The following GREM2 variants were observed in gnomAD, a reference collection of about 807,000 sequenced individuals.
The protein encoded by GREM2 is gremlin-2.
GREM2 carries 11 observed loss-of-function variants against 14.2 expected under a neutral mutation model. That is an observed-to-expected ratio of 0.78 (90% CI 0.49 to 1.28). GREM2 has a LOEUF of 1.28. Ranked by LOEUF, GREM2 falls within the 50% of genes most tolerant of loss-of-function variation. The pLI is 0.00. For synonymous variants in GREM2, 98 were observed against 97.6 expected (o/e 1.00, Z -0.02); for missense variants, 210 against 218.5 (o/e 0.96, Z 0.24).
intron 1 of GREM2, among the ~76,000 whole-genome samples, chr1:240,608,119 G>A (rs186823186): frequency 5.9e-5 from 9 of 152,256 alleles, no homozygotes; most frequent in Admixed American, 1.3e-4. Context: ...CAGATGTTAC[G>A]GTTACAAGAA....
At chr1:240,535,364 G>C (rs760193794) in intron 1 of GREM2, among the ~76,000 whole-genome samples, 1 of 152,108 alleles carries the variant, frequency 6.6e-6, no homozygotes, top group Non-Finnish European at 1.5e-5. Context: ...AACCAGTTTT[G>C]TGTTTGTTTT....
Position 240,590,938 on chromosome 1 carries a change from T to C in GREM2, c.-2+20946A>G, listed in dbSNP as rs566087197. Among the ~76,000 whole-genome samples the C allele has an allele frequency of 9.2e-5, 14 of 152,074 alleles. No individual in the cohort carries two copies. In the South Asian group the frequency reaches 1.7e-3, roughly 18 times the overall value. On this transcript the variant is annotated intron_variant, in intron 1 of 1. Coordinates refer to ENST00000318160, the MANE Select transcript of GREM2 (RefSeq NM_022469.4). ...GTGGGATTACAGGCACGCGCCTCCA[T>C]GCCCGGCTAATTTTTGTATTTTTAG...
intron 1 of GREM2, among the ~76,000 whole-genome samples, chr1:240,582,030 T>A (rs1369792295): frequency 6.6e-6 from 1 of 152,236 alleles, no homozygotes; most frequent in Non-Finnish European, 1.5e-5. Flanking sequence ...GAGTGTCTGA[T>A]TCAGGAAGTC....
intron 1 of GREM2, among the ~76,000 whole-genome samples, chr1:240,591,825 T>G (rs1029656691): frequency 5.9e-5 from 9 of 152,174 alleles, no homozygotes; most frequent in Non-Finnish European, 8.8e-5. Flanking sequence ...GTACCTTCCC[T>G]GGCAATCTGG....
chr1:240,533,030 G>C (rs1273159561), intron 1 of GREM2, among the ~76,000 whole-genome samples: 1 of 152,198 alleles, frequency 6.6e-6, no homozygotes, highest in South Asian at 2.1e-4. Flanking sequence ...TTGCGATACA[G>C]AGGGGACTAT....
chr1:240,602,060 T>C (rs1360573820), intron 1 of GREM2, among the ~76,000 whole-genome samples: 1 of 152,196 alleles, frequency 6.6e-6, no homozygotes, highest in African/African-American at 2.4e-5. Context: ...CTTATGGATA[T>C]GAAGGATACA....
At chr1:240,590,885 A>C (rs1679697781) in intron 1 of GREM2, 1 of 151,680 alleles carries the variant, frequency 6.6e-6, no homozygotes. Context: ...TCCTGGGTTC[A>C]AGTGATTCTC....
At chr1:240,581,738 A>T (rs1264201542) in intron 1 of GREM2, among the ~76,000 whole-genome samples, 1 of 152,200 alleles carries the variant, frequency 6.6e-6, no homozygotes, top group Non-Finnish European at 1.5e-5. Flanking sequence ...CAATTTATAT[A>T]TTTAAACAGC....
chr1:240,496,205 G>T (rs1369621226), intron 1 of GREM2, among the ~76,000 whole-genome samples: 1 of 152,072 alleles, frequency 6.6e-6, no homozygotes, highest in African/African-American at 2.4e-5. Flanking sequence ...CCAAAGTGCT[G>T]GGATTACAGG....
intron 1 of GREM2, among the ~76,000 whole-genome samples, chr1:240,601,048 G>C (rs369047135): frequency 2.6e-5 from 4 of 152,240 alleles, no homozygotes; most frequent in African/African-American, 9.6e-5. Flanking sequence ...CAATTCCAAA[G>C]TAGTAATAGT....
At chr1:240,510,306 C>T (rs1273819879) in intron 1 of GREM2, among the ~76,000 whole-genome samples, 1 of 124,362 alleles carries the variant, frequency 8.0e-6, no homozygotes, top group South Asian at 2.8e-4. Flanking sequence ...GGAGGCGGAG[C>T]TTGCACTGAG....
At chr1:240,603,073 G>C (rs562189320) in intron 1 of GREM2, among the ~76,000 whole-genome samples, 1 of 152,050 alleles carries the variant, frequency 6.6e-6, no homozygotes, top group South Asian at 2.1e-4. Flanking sequence ...GACAGAGCGA[G>C]ACTCGTCTCA....
At chr1:240,594,839 A>G (rs1679789847) in intron 1 of GREM2, among the ~76,000 whole-genome samples, 1 of 152,112 alleles carries the variant, frequency 6.6e-6, no homozygotes, top group Middle Eastern at 3.4e-3. Context: ...TACACAAAAC[A>G]CCTTGCCTAT....
At chr1:240,574,776 C>T (rs1679327658) in intron 1 of GREM2, among the ~76,000 whole-genome samples, 1 of 152,000 alleles carries the variant, frequency 6.6e-6, no homozygotes, top group Non-Finnish European at 1.5e-5. Flanking sequence ...CTCTAAAATG[C>T]AACAAGATAT....
At position 240,542,404 on chromosome 1, in the gene GREM2, A is replaced by G. The variant is rs1572390420; in HGVS notation, c.-1-48928T>C. Among the ~76,000 whole-genome samples, 1 of 150,298 alleles carries G rather than the reference A, an allele frequency of 6.7e-6. No homozygotes were observed. The highest frequency in any genetic ancestry group is 2.0e-4 in the East Asian group (1 of 5,074). ...CAGATCACTTGCGGCCAGGAGTTCG[A>G]GACCAGCCTGGCCAACATGGCGAAA... On this transcript the variant is annotated intron_variant, in intron 1 of 1. Transcript: ENST00000318160. The surrounding 1 kb of genome is among the most constrained non-coding windows in gnomAD (Gnocchi z 4.1).
At chr1:240,569,254 G>T (rs1035459055) in intron 1 of GREM2, among the ~76,000 whole-genome samples, 1 of 152,094 alleles carries the variant, frequency 6.6e-6, no homozygotes, top group Non-Finnish European at 1.5e-5. Flanking sequence ...AAACACTCAG[G>T]ATTATTAAGA....
At chr1:240,508,578 T>C (rs1285931280) in intron 1 of GREM2, among the ~76,000 whole-genome samples, 1 of 152,240 alleles carries the variant, frequency 6.6e-6, no homozygotes, top group Non-Finnish European at 1.5e-5. Context: ...AGAGAATGTT[T>C]CTTGTTAACA....
chr1:240,610,921 C>T (rs1486139925), intron 1 of GREM2, among the ~76,000 whole-genome samples: 1 of 152,142 alleles, frequency 6.6e-6, no homozygotes. Context: ...TCCCCTCTGG[C>T]TTTTCCCAGG....
In GREM2 at chr1:240,585,729, C is replaced by CAA. The variant is rs370321961; in HGVS notation, c.-2+26153_-2+26154dup. On this transcript the variant is annotated intron_variant, in intron 1 of 1. Transcript: ENST00000318160. ...TAGGTGACAGAGAGAGACTCCATCT[C>CAA]AAAAAAAAAAAAAAAAAAAAAAAAA... 4.7e-3 allele frequency among the ~76,000 whole-genome samples: 316 copies of CAA among 67,788 alleles called. 11 individuals carry two copies. Among genetic ancestry groups the CAA allele is most frequent in the East Asian group, 0.022 (52 of 2,318 alleles). The allele number at this position is 67,788 out of a possible 152,430, so 44.5% of individuals were successfully genotyped here.
Sources: gnomAD v4.1 joint callset for allele counts (sites outside exome capture counted in the v4.1 genomes callset) on GRCh38, gnomAD v4.1.1 for gene constraint, Gnocchi (gnomAD v3.1) non-coding constraint, MANE v1.5 for transcripts, NCBI Gene and HGNC (gene_info 2026-07-23, HGNC 2026-07-21) for gene names.